The following CDH23 variants were observed in gnomAD, a reference collection of about 807,000 sequenced individuals.
CDH23 encodes cadherin related 23.
In CDH23, 189 loss-of-function variants were observed where a neutral mutation model predicts 317.1. The ratio of observed to expected loss-of-function variants is 0.60; its 90% CI spans 0.53 to 0.67. CDH23 has a LOEUF of 0.67. CDH23 is among the 30% of genes least tolerant of loss of function. The probability of loss-of-function intolerance (pLI) is 0.00; values close to 1 mark genes in which losing one functional copy is unlikely to be tolerated. For missense variants in CDH23, 4,401 were observed against 4,592.4 expected, an observed-to-expected ratio of 0.96 and a Z score of 1.20; for synonymous variants, 1,839 against 1,876.8, an observed-to-expected ratio of 0.98 and a Z score of 0.52.
intron 12 of CDH23, among the ~76,000 whole-genome samples, chr10:71,644,160 A>G (rs1175694704): frequency 1.3e-5 from 2 of 152,212 alleles, no homozygotes; most frequent in Non-Finnish European, 2.9e-5. Context: ...ACAGCCTGAC[A>G]GGCCCAGAGG....
intron 3 of CDH23, among the ~76,000 whole-genome samples, chr10:71,449,261 GCCAGGCTGA>G (rs2132030884): frequency 6.6e-6 from 1 of 152,314 alleles, no homozygotes; most frequent in East Asian, 1.9e-4. Context: ...CAGAGCCCAA[GCCAGGCTGA>G]CCGTGTCGGC....
Position 71,397,826 on chromosome 10 carries a change from C to G in CDH23, c.-6+508C>G, listed in dbSNP as rs1480684001. 6.6e-6 allele frequency among the ~76,000 whole-genome samples: 1 copy of G among 152,070 alleles called. No homozygotes were observed. The highest frequency in any genetic ancestry group is 6.5e-5 in the Admixed American group (1 of 15,276). ...GGGGAACTAAAGGCACGTAGTTCTC[C>G]CCTCCCCTCATCAAGTCCCTGTGCC... On this transcript the variant is annotated intron_variant, in intron 1 of 69. Transcript: ENST00000224721. This position sits in a 1 kb window ranked among gnomAD's most constrained non-coding sequence, Gnocchi z 4.8.
intron 18 of CDH23, among the ~76,000 whole-genome samples, chr10:71,684,334 A>T (rs1216617617): frequency 2.0e-5 from 3 of 152,050 alleles, no homozygotes; most frequent in Non-Finnish European, 4.4e-5. Flanking sequence ...CAACCCACCC[A>T]TCGCTTTCAA....
At chr10:71,520,232 T>G (rs1268625760) in intron 6 of CDH23, among the ~76,000 whole-genome samples, 1 of 152,056 alleles carries the variant, frequency 6.6e-6, no homozygotes, top group Non-Finnish European at 1.5e-5. Flanking sequence ...GCATTGGTGG[T>G]CAGGAAACTG....
intron 3 of CDH23, among the ~76,000 whole-genome samples, chr10:71,463,434 C>G (rs1025401595): frequency 1.3e-5 from 2 of 152,188 alleles, no homozygotes; most frequent in Non-Finnish European, 1.5e-5. Flanking sequence ...AGTCCTCTGC[C>G]CATTAAAAGA....
rs74147045 is a variant in CDH23, at chr10:71,728,468, G to A, written c.3580-2001G>A. Among the ~76,000 whole-genome samples, 157 of 152,150 alleles carry A rather than the reference G, an allele frequency of 1.0e-3. 1 individual carries two copies. Among genetic ancestry groups the A allele is most frequent in the African/African-American group, 3.7e-3 (153 of 41,486 alleles). ...CTCCACTGGTCAGGCTGCTGTTTTCGGCTTCTACCAGCCAGAAGCTCTGTC... is the reference window on the plus strand; with the variant it reads ...CTCCACTGGTCAGGCTGCTGTTTTCAGCTTCTACCAGCCAGAAGCTCTGTC... On this transcript the variant is annotated intron_variant, in intron 30 of 69. Coordinates refer to ENST00000224721, the MANE Select transcript of CDH23 (RefSeq NM_022124.6).
chr10:71,634,431 G>A (rs1862165193), intron 11 of CDH23, among the ~76,000 whole-genome samples: 3 of 152,276 alleles, frequency 2.0e-5, no homozygotes, highest in Admixed American at 2.0e-4. Flanking sequence ...CCATTGGAGT[G>A]AGGAAAGGGA....
At chr10:71,443,399 C>G (rs1274477829) in intron 2 of CDH23, among the ~76,000 whole-genome samples, 1 of 152,262 alleles carries the variant, frequency 6.6e-6, no homozygotes, top group Non-Finnish European at 1.5e-5. Context: ...TGCCGCCACC[C>G]AGCCTCTGTT....
intron 27 of CDH23, among the ~76,000 whole-genome samples, chr10:71,711,406 G>C (rs1865965480): frequency 6.6e-6 from 1 of 152,126 alleles, no homozygotes; most frequent in Non-Finnish European, 1.5e-5. Flanking sequence ...CGTCACCCTA[G>C]GTCTCCAGGC....
chr10:71,738,630 G>A lies in CDH23; in HGVS notation c.4342G>A (p.Ala1448Thr), dbSNP rs1839637687. 3 of 1,613,232 alleles carry A rather than the reference G, an allele frequency of 1.9e-6. No homozygotes were observed. The highest frequency in any genetic ancestry group is 1.7e-6 in the Non-Finnish European group (2 of 1,179,782). The change falls in exon 35 of 70, where the codon GCT becomes ACT. Residue 1448 changes from alanine (A) to threonine (T), a missense_variant. Physicochemically the swap from Ala to Thr is moderately conservative, Grantham distance 58. This residue lies in a region of CDH23 where 3,068 missense variants were observed against 3,203.3 expected (regional missense o/e 0.96). Coordinates refer to ENST00000224721, the MANE Select transcript of CDH23 (RefSeq NM_022124.6). The stretch of plus-strand genomic sequence containing the variant: ...TACTGTCAAGGCCTGGGACCCTGAT[G>A]CTGGCAGCAATGGGCAGGTGGGCCA... Reference protein sequence around the residue: ...VATVKAWDPDAGSNGQVVFSL... With the variant: ...VATVKAWDPDTGSNGQVVFSL...
chr10:71,771,236 C>G (rs1840676899), intron 38 of CDH23, among the ~76,000 whole-genome samples: 1 of 152,116 alleles, frequency 6.6e-6, no homozygotes, highest in African/African-American at 2.4e-5. Context: ...CCTAAGTGTA[C>G]CTCTCCACCC....
At chr10:71,406,391 G>A (rs1050760073) in intron 1 of CDH23, among the ~76,000 whole-genome samples, 4 of 152,186 alleles carry the variant, frequency 2.6e-5, no homozygotes, top group East Asian at 3.9e-4. Flanking sequence ...ATCTCTGGGG[G>A]CAGAAGCCCT....
At chr10:71,772,901 G>A (rs966161128) in intron 38 of CDH23, among the ~76,000 whole-genome samples, 1 of 152,192 alleles carries the variant, frequency 6.6e-6, no homozygotes, top group Admixed American at 6.5e-5. Context: ...AGGGCATGGG[G>A]CACTGGCTGA....
chr10:71,640,472 G>A (rs551038823), intron 11 of CDH23, among the ~76,000 whole-genome samples: 73 of 152,306 alleles, frequency 4.8e-4, no homozygotes, highest in African/African-American at 1.7e-3. Flanking sequence ...GGCCCAGTCC[G>A]GGAGCGGTGG....
intron 48 of CDH23, chr10:71,796,764 A>T (rs892758099): frequency 7.8e-6 from 2 of 257,036 alleles, no homozygotes; most frequent in African/African-American, 2.2e-5. Flanking sequence ...ATGGAAACTC[A>T]TTTTGTTTTT....
intron 24 of CDH23, among the ~76,000 whole-genome samples, 187 bp downstream of exon 24, chr10:71,702,881 T>G (rs1589350931): frequency 6.6e-6 from 1 of 151,626 alleles, no homozygotes; most frequent in Admixed American, 6.6e-5. Flanking sequence ...AAGGCAGAGG[T>G]AGAGAGAGGG....
chr10:71,810,506 C>T lies in CDH23; in HGVS notation c.9014C>T (p.Ala3005Val), dbSNP rs188966938. The T allele has an allele frequency of 1.2e-5, 19 of 1,613,832 alleles. No individual in the cohort carries two copies. The highest frequency in any genetic ancestry group is 1.6e-4 in the Middle Eastern group (1 of 6,082). The stretch of plus-strand genomic sequence containing the variant: ...GACAAGAAGGGCCGGGTGAACTTTG[C>T]GCAGACAGAACTGCTTATCCACGTG... ...HVDKKGRVNFAQTELLIHVVN... is the reference protein window; with the variant it reads ...HVDKKGRVNFVQTELLIHVVN... Residue 3005 changes from alanine (A) to valine (V), a missense_variant, in exon 62 of 70, where the codon GCG becomes GTG. Transcript: ENST00000224721.
At chr10:71,685,065 T>C (rs575025790) in intron 18 of CDH23, among the ~76,000 whole-genome samples, 1 of 152,290 alleles carries the variant, frequency 6.6e-6, no homozygotes, top group South Asian at 2.1e-4. Context: ...CATGTTGACA[T>C]GCTTTCCACC....
chr10:71,618,422 C>G (rs75709865), intron 11 of CDH23, among the ~76,000 whole-genome samples: 5,654 of 152,184 alleles, frequency 0.037, 362 homozygotes, highest in East Asian at 0.3. Flanking sequence ...CCTTCAGGAC[C>G]CTCTCAGCCT....
Sources: gnomAD v4.1 joint callset for allele counts (sites outside exome capture counted in the v4.1 genomes callset) on GRCh38, gnomAD v4.1.1 for gene constraint, gnomAD v4.1.1 regional missense constraint, Gnocchi (gnomAD v3.1) non-coding constraint, MANE v1.5 for transcripts, NCBI Gene and HGNC (gene_info 2026-07-23, HGNC 2026-07-21) for gene names.